ADK: variants seen among roughly 807,000 people sequenced by gnomAD.
The protein encoded by ADK is adenosine kinase, also known as N6,N6-dimethyladenosine kinase.
ADK carries 24 observed loss-of-function variants against 44.7 expected under a neutral mutation model. That is an observed-to-expected ratio of 0.54 (90% CI 0.39 to 0.76). The LOEUF (loss-of-function observed/expected upper bound fraction) is 0.76, where lower values mean the gene tolerates loss of function less well. ADK is among the 30% of genes least tolerant of loss of function. ADK has a pLI of 0.00. For synonymous variants in ADK, 128 were observed against 142.6 expected (o/e 0.90, Z 0.73); for missense variants, 321 against 425.1 (o/e 0.76, Z 2.15).
At chr10:74,592,569 ATAAATTTTAGATTTTTTT>A (rs1851760720) in intron 8 of ADK, among the ~76,000 whole-genome samples, 1 of 152,176 alleles carries the variant, frequency 6.6e-6, no homozygotes, top group South Asian at 2.1e-4. Context: ...ACTCCAAGTA[ATAAATTTTAGATTTTTTT>A]TAAATTTTAG....
At chr10:74,449,971 C>A (rs1845714345) in intron 6 of ADK, among the ~76,000 whole-genome samples, 1 of 152,050 alleles carries the variant, frequency 6.6e-6, no homozygotes, top group Admixed American at 6.6e-5. Flanking sequence ...GTATTCAGAT[C>A]TGATTATACT....
intron 9 of ADK, among the ~76,000 whole-genome samples, chr10:74,618,522 C>G (rs1435356606): frequency 6.6e-6 from 1 of 152,148 alleles, no homozygotes; most frequent in African/African-American, 2.4e-5. Context: ...CTCCTGACTT[C>G]AAGTGATCCG....
At chr10:74,394,067 T>G (rs1325568821) in intron 4 of ADK, 74 bp from the exon 5 acceptor site, 1 of 1,423,804 alleles carries the variant, frequency 7.0e-7, no homozygotes, top group Non-Finnish European at 9.9e-7. Context: ...GTCACATCAC[T>G]ATCTGTGGCA....
rs577778080 is a variant in ADK, at chr10:74,291,517, A to G, written c.195-23150A>G. ...CCAAAACATTATATAGATTGTTATG[A>G]GTTATAGGTAAGTGGAAAGCAAGCA... On this transcript the variant is annotated intron_variant, in intron 3 of 10. Transcript: ENST00000539909. 3.3e-5 allele frequency among the ~76,000 whole-genome samples: 5 copies of G among 152,174 alleles called. 1 individual carries two copies. The highest frequency in any genetic ancestry group is 2.0e-4 in the Admixed American group (3 of 15,262).
intron 10 of ADK, among the ~76,000 whole-genome samples, chr10:74,692,776 A>T (rs1418048083): frequency 6.6e-6 from 1 of 152,228 alleles, no homozygotes; most frequent in African/African-American, 2.4e-5. Flanking sequence ...CAATAGAATA[A>T]CAGGCTATAC....
chr10:74,480,169 GC>G lies in ADK; in HGVS notation c.556-45086del, dbSNP rs1847012191. ...GGAAATAATGTTCTAGTTTTGTCTT[GC>G]TTTGTGTTTTGCTCTTGAAGTCTAA... On this transcript the variant is annotated intron_variant, in intron 6 of 10. Transcript: ENST00000539909. 2.7e-5 allele frequency among the ~76,000 whole-genome samples: 4 copies of G among 148,586 alleles called. 1 individual carries two copies. The South Asian group carries it at 8.6e-4, about 32-fold the overall frequency.
intron 4 of ADK, among the ~76,000 whole-genome samples, chr10:74,385,016 A>G (rs984116259): frequency 6.6e-6 from 1 of 152,172 alleles, no homozygotes; most frequent in African/African-American, 2.4e-5. Context: ...AAATGGTTGC[A>G]TGGTTGGGAG....
intron 7 of ADK, among the ~76,000 whole-genome samples, chr10:74,545,142 G>T (rs1849780955): frequency 6.6e-6 from 1 of 151,992 alleles, no homozygotes; most frequent in African/African-American, 2.4e-5. Context: ...GAGATTTAAT[G>T]TACTTAAATT....
chr10:74,633,023 A>C (rs1268165807), intron 9 of ADK, among the ~76,000 whole-genome samples: 1 of 152,188 alleles, frequency 6.6e-6, no homozygotes, highest in Non-Finnish European at 1.5e-5. Flanking sequence ...AGCCATAGAG[A>C]ATTTATTAAT....
intron 9 of ADK, among the ~76,000 whole-genome samples, chr10:74,643,068 C>T (rs1853928659): frequency 6.6e-6 from 1 of 151,908 alleles, no homozygotes; most frequent in Non-Finnish European, 1.5e-5. Context: ...TCTCAAATTC[C>T]TGGCCTCAAG....
intron 7 of ADK, among the ~76,000 whole-genome samples, chr10:74,570,392 CT>C (rs1850906729): frequency 6.6e-6 from 1 of 152,156 alleles, no homozygotes; most frequent in South Asian, 2.1e-4. Context: ...AATATTGATT[CT>C]TCCTACCCAT....
At chr10:74,312,914 C>CAGAAAAAAA (rs1840490203) in intron 3 of ADK, among the ~76,000 whole-genome samples, 2 of 37,820 alleles carry the variant, frequency 5.3e-5, no homozygotes, top group Non-Finnish European at 9.2e-5. Context: ...ATTCTGTCTC[C>CAGAAAAAAA]AAAAAAAAAA....
intron 9 of ADK, among the ~76,000 whole-genome samples, chr10:74,602,464 A>G (rs998898041): frequency 5.9e-5 from 9 of 152,352 alleles, no homozygotes; most frequent in East Asian, 1.9e-4. Flanking sequence ...CTAGATATAC[A>G]TACTGTACAA....
chr10:74,317,780 TTTTG>T (rs754241756), intron 4 of ADK, among the ~76,000 whole-genome samples: 30 of 152,198 alleles, frequency 2.0e-4, no homozygotes, highest in Middle Eastern at 3.4e-3. Flanking sequence ...TTTCTGGTTT[TTTTG>T]TTTGTTTGTT....
At chr10:74,368,793 A>G (rs371889738) in intron 4 of ADK, among the ~76,000 whole-genome samples, 7 of 151,978 alleles carry the variant, frequency 4.6e-5, no homozygotes, top group African/African-American at 1.7e-4. Flanking sequence ...ACCACACCCA[A>G]CTAATTATAT....
chr10:74,358,293 C>T (rs1428712058), intron 4 of ADK, among the ~76,000 whole-genome samples: 1 of 152,032 alleles, frequency 6.6e-6, no homozygotes, highest in Non-Finnish European at 1.5e-5. Flanking sequence ...TGTAAGTTAA[C>T]CTTGTGGAAC....
In ADK at chr10:74,545,932, G is replaced by A. The variant is rs998974685; in HGVS notation, c.726+20506G>A. Among the ~76,000 whole-genome samples, 5 of 152,266 alleles carry A rather than the reference G, an allele frequency of 3.3e-5. No individual in the cohort carries two copies. In the East Asian group the frequency reaches 9.7e-4, roughly 29 times the overall value. ...ATCAGTCCAATTGGATTGATAGTTT[G>A]TAGAAAGGTAATTTCTTACATGAGG... On this transcript the variant is annotated intron_variant, in intron 7 of 10. Coordinates refer to ENST00000539909, the MANE Select transcript of ADK (RefSeq NM_006721.4).
intron 6 of ADK, among the ~76,000 whole-genome samples, chr10:74,443,528 G>T (rs966604181): frequency 6.6e-6 from 1 of 152,174 alleles, no homozygotes; most frequent in African/African-American, 2.4e-5. Context: ...ATTGGTGGTT[G>T]TCTTAGGCTG....
intron 6 of ADK, among the ~76,000 whole-genome samples, chr10:74,475,480 A>G (rs1846792148): frequency 6.6e-6 from 1 of 152,076 alleles, no homozygotes; most frequent in East Asian, 1.9e-4. Context: ...GGATGCTGAG[A>G]CAGAAGGATC....
Sources: allele counts gnomAD v4.1 joint callset (sites outside exome capture counted in the v4.1 genomes callset), GRCh38; gene constraint gnomAD v4.1.1; transcripts MANE v1.5; gene names NCBI Gene and HGNC (gene_info 2026-07-23, HGNC 2026-07-21).